PTPRN2: variants seen among roughly 807,000 people sequenced by gnomAD.
The protein encoded by PTPRN2 is protein tyrosine phosphatase receptor type N2, also known as receptor-type tyrosine-protein phosphatase N2.
Under a neutral mutation model 118.8 loss-of-function variants are expected in PTPRN2, and 74 were observed. The ratio of observed to expected loss-of-function variants is 0.62; its 90% CI spans 0.52 to 0.76. PTPRN2 has a LOEUF of 0.76. Among genes scored for constraint, PTPRN2 ranks in the 30% least tolerant of loss-of-function variants. The pLI is 0.00. For missense variants in PTPRN2, 1,481 were observed against 1,394.4 expected, an observed-to-expected ratio of 1.06 and a Z score of -0.99; for synonymous variants, 641 against 608.0, an observed-to-expected ratio of 1.05 and a Z score of -0.80.
rs562668173 is a variant in PTPRN2 at position 157,715,737 on chromosome 7, G to A, written c.1789-32800C>T. On this transcript the variant is annotated intron_variant, in intron 12 of 22. Transcript: ENST00000389418. ...GTCTCCGCCGTCCAAGCAGCACATC[G>A]TGGAGGGCCTACACACCCCGATGTT... Among the ~76,000 whole-genome samples, 12 of 152,296 alleles carry A rather than the reference G, an allele frequency of 7.9e-5. No individual in the cohort carries two copies. The East Asian group carries it at 1.4e-3, about 17-fold the overall frequency.
rs1234751502 is a variant in PTPRN2 at position 157,985,011 on chromosome 7, C to G, written c.1724-86274G>C. ...ACACTTCTTTCCCCTTTTCCAAATC[C>G]CACCTGCAGGTGGTGGTCTCTAGCA... On this transcript the variant is annotated intron_variant, in intron 11 of 22. Transcript: ENST00000389418. 2.0e-5 allele frequency among the ~76,000 whole-genome samples: 3 copies of G among 152,266 alleles called. No homozygotes were observed. The East Asian group carries it at 5.8e-4, about 30-fold the overall frequency.
chr7:158,318,882 G>A (rs920097733), intron 2 of PTPRN2, among the ~76,000 whole-genome samples: 2 of 152,232 alleles, frequency 1.3e-5, no homozygotes, highest in Non-Finnish European at 2.9e-5. Flanking sequence ...GCACATCTGT[G>A]AGTAGCCAAC....
intron 12 of PTPRN2, among the ~76,000 whole-genome samples, chr7:157,802,197 G>T (rs867146937): frequency 6.6e-6 from 1 of 152,204 alleles, no homozygotes; most frequent in East Asian, 1.9e-4. Flanking sequence ...CGTTGAGGCC[G>T]CGTCGCTGAA....
At chr7:157,971,782 T>C (rs772882643) in intron 11 of PTPRN2, among the ~76,000 whole-genome samples, 1 of 152,114 alleles carries the variant, frequency 6.6e-6, no homozygotes, top group African/African-American at 2.4e-5. Flanking sequence ...GAGGCGACAA[T>C]AGCTACTACT....
At chr7:158,244,840 T>TGTGA (rs1184001697) in intron 3 of PTPRN2, among the ~76,000 whole-genome samples, 4 of 151,204 alleles carry the variant, frequency 2.6e-5, no homozygotes, top group Non-Finnish European at 5.9e-5. Context: ...TGTGCACATG[T>TGTGA]GAGTGTATGG....
chr7:157,824,366 T>A (rs1807039694), intron 12 of PTPRN2, among the ~76,000 whole-genome samples: 1 of 152,144 alleles, frequency 6.6e-6, no homozygotes, highest in African/African-American at 2.4e-5. Context: ...AAGCCTTAAT[T>A]AGCAGGTTTG....
At chr7:158,431,901 C>T (rs1015728288) in intron 2 of PTPRN2, among the ~76,000 whole-genome samples, 1 of 152,266 alleles carries the variant, frequency 6.6e-6, no homozygotes, top group African/African-American at 2.4e-5. Flanking sequence ...TATCCGGGAC[C>T]TGCTCGTCCC....
intron 11 of PTPRN2, among the ~76,000 whole-genome samples, chr7:157,930,011 G>A (rs893923203): frequency 3.9e-5 from 6 of 152,174 alleles, no homozygotes; most frequent in African/African-American, 7.2e-5. Context: ...ATCACCCGTC[G>A]CTCAGCCTGG....
At chr7:158,341,256 G>T (rs866449678) in intron 2 of PTPRN2, among the ~76,000 whole-genome samples, 1,311 of 148,450 alleles carry the variant, frequency 8.8e-3, no homozygotes, top group African/African-American at 0.032. Flanking sequence ...GACACCTGCA[G>T]ACGTCATTCA....
rs916978661 is a variant in PTPRN2 at position 157,627,448 on chromosome 7, C to T, written c.2197-5939G>A. Among the ~76,000 whole-genome samples the T allele has an allele frequency of 1.3e-5, 2 of 152,158 alleles. No homozygotes were observed. The highest frequency in any genetic ancestry group is 2.4e-5 in the African/African-American group (1 of 41,454). ...CGAAGAATTGGTGGTGAATCTCAGT[C>T]GATGCAGGCTGAAGTGCTTAGGGAA... is the stretch of plus-strand genomic sequence containing the variant. On this transcript the variant is annotated intron_variant, in intron 14 of 22. Transcript: ENST00000389418. This position sits in a 1 kb window ranked among gnomAD's most constrained non-coding sequence, Gnocchi z 4.2.
chr7:158,527,369 G>A (rs546542076), intron 1 of PTPRN2, among the ~76,000 whole-genome samples: 6 of 152,294 alleles, frequency 3.9e-5, no homozygotes, highest in East Asian at 1.9e-4. Context: ...GCCAGCCTGC[G>A]TCTCCGTGTC....
chr7:158,195,130 G>T (rs1563588074), intron 4 of PTPRN2, among the ~76,000 whole-genome samples: 2 of 152,208 alleles, frequency 1.3e-5, no homozygotes. Flanking sequence ...ATGGAGCTCT[G>T]TGGGTGATGA....
intron 12 of PTPRN2, among the ~76,000 whole-genome samples, chr7:157,776,987 CTCCCTCTCCTCCTCT>C (rs1249475727): frequency 4.7e-4 from 68 of 145,518 alleles, no homozygotes; most frequent in East Asian, 1.7e-3. Context: ...CCTTCTCCTC[CTCCCTCTCCTCCTCT>C]TCCCTCTCCT....
At chr7:157,826,571 C>T (rs1464256485) in intron 12 of PTPRN2, among the ~76,000 whole-genome samples, 7 of 148,028 alleles carry the variant, frequency 4.7e-5, no homozygotes, top group East Asian at 2.0e-4. Flanking sequence ...GATGGCAGCA[C>T]GAACACGATC....
chr7:157,807,816 C>T (rs1416777772), intron 12 of PTPRN2, among the ~76,000 whole-genome samples: 1 of 152,210 alleles, frequency 6.6e-6, no homozygotes, highest in Non-Finnish European at 1.5e-5. Context: ...GGCTTCCTTC[C>T]AGGGCAGAAG....
intron 11 of PTPRN2, among the ~76,000 whole-genome samples, chr7:157,911,870 C>G (rs191603682): frequency 6.6e-6 from 1 of 152,072 alleles, no homozygotes; most frequent in African/African-American, 2.4e-5. Flanking sequence ...TTCTGCTAAC[C>G]CTGTGTTCTG....
chr7:158,140,955 G>A (rs1034270287), intron 6 of PTPRN2, among the ~76,000 whole-genome samples: 5 of 152,158 alleles, frequency 3.3e-5, no homozygotes, highest in African/African-American at 4.8e-5. Flanking sequence ...TCATGGCCAC[G>A]TCTCTACCTT....
intron 10 of PTPRN2, among the ~76,000 whole-genome samples, chr7:158,083,489 C>G (rs1813001963): frequency 1.3e-5 from 2 of 152,178 alleles, no homozygotes; most frequent in African/African-American, 4.8e-5. Flanking sequence ...TAATTTTTCC[C>G]TCACGTGCTG....
intron 6 of PTPRN2, among the ~76,000 whole-genome samples, chr7:158,145,321 C>T (rs1178945697): frequency 6.6e-6 from 1 of 151,544 alleles, no homozygotes; most frequent in Admixed American, 6.6e-5. Flanking sequence ...TCCCTCACAT[C>T]ACGGTGAGAA....
Sources: allele counts gnomAD v4.1 joint callset (sites outside exome capture counted in the v4.1 genomes callset), GRCh38; gene constraint gnomAD v4.1.1; non-coding constraint Gnocchi (gnomAD v3.1); transcripts MANE v1.5; gene names NCBI Gene and HGNC (gene_info 2026-07-23, HGNC 2026-07-21).